MED13L: variants seen among roughly 807,000 people sequenced by gnomAD.
MED13L encodes the protein mediator complex subunit 13L.
MED13L carries 7 observed loss-of-function variants against 220.9 expected under a neutral mutation model. The ratio of observed to expected loss-of-function variants is 0.03; its 90% confidence interval spans 0.02 to 0.06. The LOEUF is 0.06. MED13L is among the 10% of genes least tolerant of loss of function. MED13L has a pLI of 1.00. For missense variants in MED13L, 1,965 were observed against 2,760.5 expected, an observed-to-expected ratio of 0.71 and a Z score of 6.46; for synonymous variants, 1,011 against 1,015.2, an observed-to-expected ratio of 1.00 and a Z score of 0.08.
intron 2 of MED13L, among the ~76,000 whole-genome samples, chr12:116,148,092 A>AG (rs375594237): frequency 1.9e-4 from 12 of 62,688 alleles, no homozygotes; most frequent in Admixed American, 1.7e-3. Context: ...GCGGGAGTGG[A>AG]GGGGGGCGGG....
intron 2 of MED13L, among the ~76,000 whole-genome samples, chr12:116,187,540 T>G (rs543413527): frequency 2.0e-4 from 31 of 152,230 alleles, no homozygotes; most frequent in Non-Finnish European, 3.7e-4. Context: ...ATTTTAGTCA[T>G]ATGCTTTTAA....
intron 4 of MED13L, among the ~76,000 whole-genome samples, chr12:116,061,730 A>G (rs751930805): frequency 6.6e-5 from 10 of 152,150 alleles, no homozygotes; most frequent in Admixed American, 3.3e-4. Context: ...ATTCAAGGCC[A>G]GGCGTAGTGG....
intron 2 of MED13L, among the ~76,000 whole-genome samples, chr12:116,139,816 A>C (rs1876898042): frequency 6.6e-6 from 1 of 152,016 alleles, no homozygotes; most frequent in Non-Finnish European, 1.5e-5. Flanking sequence ...CTAAAAATAC[A>C]AAATTTAGCC....
intron 3 of MED13L, among the ~76,000 whole-genome samples, chr12:116,099,829 T>A (rs377310615): frequency 6.6e-6 from 1 of 152,198 alleles, no homozygotes. Flanking sequence ...ACTGCGTGAA[T>A]AGAGCTCCTT....
chr12:116,251,962 T>C (rs1415125457), intron 1 of MED13L, among the ~76,000 whole-genome samples: 5 of 151,320 alleles, frequency 3.3e-5, no homozygotes, highest in Non-Finnish European at 7.4e-5. Context: ...AAAACTGTAA[T>C]GATAAAAATG....
chr12:116,012,126 C>G (rs2137401236), intron 9 of MED13L, among the ~76,000 whole-genome samples: 1 of 152,288 alleles, frequency 6.6e-6, no homozygotes, highest in Middle Eastern at 3.4e-3. Flanking sequence ...ACCACTTCTT[C>G]TAACTGTCAA....
At chr12:116,262,553 C>A (rs1872586448) in intron 1 of MED13L, among the ~76,000 whole-genome samples, 1 of 152,142 alleles carries the variant, frequency 6.6e-6, no homozygotes, top group South Asian at 2.1e-4. Flanking sequence ...TAAACGCCTA[C>A]CTTAGTGAGT....
At chr12:116,120,755 TG>T (rs1875027828) in intron 2 of MED13L, among the ~76,000 whole-genome samples, 1 of 152,130 alleles carries the variant, frequency 6.6e-6, no homozygotes, top group South Asian at 2.1e-4. Context: ...CTAATTCTTT[TG>T]ATCTTTCCAG....
chr12:116,003,209 GT>G, intron 13 of MED13L, 107 bp from the exon 14 acceptor site: 1 of 893,312 alleles, frequency 1.1e-6, no homozygotes, highest in Non-Finnish European at 1.8e-6. Context: ...TGGTAGAAGC[GT>G]TTACCAGGTG....
rs138288576 is a variant in MED13L, at chr12:116,200,374, T to C, written c.310+37094A>G. 2.9e-4 allele frequency among the ~76,000 whole-genome samples: 44 copies of C among 152,300 alleles called. No homozygotes were observed. In the East Asian group the frequency reaches 8.5e-3, roughly 29 times the overall value. On this transcript the variant is annotated intron_variant, in intron 2 of 30. Transcript: ENST00000281928. ...CTCATCACACATTGCAAGACATTAATTATATTCACAATAAATTTTCACACT... is the reference window on the plus strand; with the variant it reads ...CTCATCACACATTGCAAGACATTAACTATATTCACAATAAATTTTCACACT...
rs778252909 is a variant in MED13L at position 115,984,383 on chromosome 12, A to G, written c.4339-11T>C. 3 of 1,613,908 alleles carry G rather than the reference A, an allele frequency of 1.9e-6. No individual in the cohort carries two copies. Among genetic ancestry groups the G allele is most frequent in the Non-Finnish European group, 2.5e-6 (3 of 1,179,920 alleles). On this transcript the variant is annotated splice_polypyrimidine_tract_variant and intron_variant, in intron 19 of 30. Transcript: ENST00000281928. ...CCCAAGCCTACACATCTGATATCAT[A>G]GACAAGATCATTAGTTATAACAGGA...
At chr12:116,245,059 T>A (rs1211491281) in intron 1 of MED13L, among the ~76,000 whole-genome samples, 1 of 152,066 alleles carries the variant, frequency 6.6e-6, no homozygotes, top group East Asian at 1.9e-4. Context: ...CCCCAGCAAA[T>A]AAATGCAAAT....
chr12:116,138,227 C>T (rs956422209), intron 2 of MED13L, among the ~76,000 whole-genome samples: 4 of 152,156 alleles, frequency 2.6e-5, no homozygotes, highest in Non-Finnish European at 5.9e-5. Context: ...AAATACTCTA[C>T]AAAATAAATT....
intron 9 of MED13L, among the ~76,000 whole-genome samples, chr12:116,010,965 C>T (rs1356776871): frequency 4.0e-5 from 6 of 151,618 alleles, no homozygotes; most frequent in Non-Finnish European, 7.4e-5. Flanking sequence ...CAACCTCCGC[C>T]TCCCGGGTTC....
chr12:116,027,028 C>T (rs940389836), intron 4 of MED13L, among the ~76,000 whole-genome samples: 2 of 152,048 alleles, frequency 1.3e-5, no homozygotes, highest in African/African-American at 2.4e-5. Context: ...TAATATACAC[C>T]CAGCTGTATA....
chr12:116,037,255 A>G (rs1331642306), intron 4 of MED13L, among the ~76,000 whole-genome samples: 2 of 152,200 alleles, frequency 1.3e-5, no homozygotes, highest in African/African-American at 4.8e-5. Flanking sequence ...TTGAGTGCCT[A>G]CATGACACCA....
chr12:116,257,160 G>A (rs1000257024), intron 1 of MED13L, among the ~76,000 whole-genome samples: 2 of 152,136 alleles, frequency 1.3e-5, no homozygotes, highest in Non-Finnish European at 2.9e-5. Flanking sequence ...GAAATTTCTG[G>A]GAATTGAACT....
At chr12:116,212,271 A>C (rs757393064) in intron 2 of MED13L, among the ~76,000 whole-genome samples, 18 of 152,194 alleles carry the variant, frequency 1.2e-4, no homozygotes, top group Non-Finnish European at 2.5e-4. Context: ...TTAGTGTATA[A>C]TATCCTCTTA....
intron 2 of MED13L, among the ~76,000 whole-genome samples, chr12:116,223,683 G>A (rs1001998717): frequency 3.3e-5 from 5 of 151,940 alleles, no homozygotes; most frequent in East Asian, 3.9e-4. Flanking sequence ...CAGCCTGGGC[G>A]ACAAAAGCAA....
Sources: allele counts gnomAD v4.1 joint callset (sites outside exome capture counted in the v4.1 genomes callset), GRCh38; gene constraint gnomAD v4.1.1; transcripts MANE v1.5; gene names NCBI Gene and HGNC (gene_info 2026-07-23, HGNC 2026-07-21).